Variants in IPO13 observed in about 807,000 individuals in gnomAD.
IPO13 encodes importin 13.
IPO13 carries 28 observed loss-of-function variants against 115.5 expected under a neutral mutation model. The observed-to-expected ratio is 0.24, with a 90% CI of 0.18 to 0.33. The LOEUF is 0.33. IPO13 is among the 10% of genes least tolerant of loss of function. The pLI is 1.00. For missense variants in IPO13, 785 were observed against 1,204.6 expected (o/e 0.65, Z 5.16); for synonymous variants, 414 against 478.9 (o/e 0.86, Z 1.77).
chr1:43,957,458 C>T lies in IPO13; in HGVS notation c.1449C>T (p.Asn483=), dbSNP rs770634062. Residue 483 remains asparagine (N), a synonymous_variant, in exon 7 of 20, where the codon AAC becomes AAT. Transcript: ENST00000372343. The stretch of plus-strand genomic sequence containing the variant: ...CCATCGCAGAGACCATTGACGTCAA[C>T]TATTCTGATGTGGTGCCTGGGCTCA... ...FQSIAETIDV[N]YSDVVPGLIG... 9 of 1,614,112 alleles carry T rather than the reference C, an allele frequency of 5.6e-6. No individual in the cohort carries two copies. In the African/African-American group the frequency reaches 1.2e-4, roughly 22 times the overall value.
chr1:43,957,243 C>A lies in IPO13; in HGVS notation c.1320C>A (p.Ala440=), dbSNP rs1200624725. ...TLMYVYEMLG[A]ELLSNLYDKL... is the part of the protein sequence containing the mutation. ...TGTATGTCTATGAGATGTTGGGGGC[C>A]GAGCTGCTCAGCAACCTCTATGACA... Residue 440 remains alanine (A), a synonymous_variant, in exon 6 of 20, where the codon GCC becomes GCA. Coordinates refer to ENST00000372343, the MANE Select transcript of IPO13 (RefSeq NM_014652.4). The A allele has an allele frequency of 1.2e-6, 2 of 1,614,038 alleles. No individual in the cohort carries two copies. Among genetic ancestry groups the A allele is most frequent in the Non-Finnish European group, 1.7e-6 (2 of 1,179,988 alleles).
In IPO13 at chr1:43,966,520, G is replaced by C; in HGVS notation, c.2398-55G>C. 6.4e-7 allele frequency: 1 copy of C among 1,574,560 alleles called. No homozygotes were observed. Among genetic ancestry groups the C allele is most frequent in the Non-Finnish European group, 8.7e-7 (1 of 1,144,656 alleles). On this transcript the variant is annotated intron_variant, in intron 15 of 19. Coordinates refer to ENST00000372343, the MANE Select transcript of IPO13 (RefSeq NM_014652.4). The surrounding 1 kb of genome is among the most constrained non-coding windows in gnomAD (Gnocchi z 4.1). ...GGGGCTGGGGTGGCAGGTGAGTGGG[G>C]GGGATGGTCCTTGGAGCTGGCTGGG... is the stretch of plus-strand genomic sequence containing the variant.
intron 11 of IPO13, 130 bp from the exon 12 acceptor site, chr1:43,960,119 C>T (rs986791893): frequency 1.4e-5 from 11 of 777,272 alleles, no homozygotes; most frequent in South Asian, 3.1e-5. Context: ...GGGTCCCATG[C>T]CCTGGGTCCT....
chr1:43,965,148 T>C (rs535748955), intron 15 of IPO13, among the ~76,000 whole-genome samples: 15 of 151,994 alleles, frequency 9.9e-5, no homozygotes, highest in Admixed American at 8.5e-4. Flanking sequence ...TGTTGTGGCA[T>C]TGGTATGTCT....
Position 43,967,739 on chromosome 1 carries a change from A to G in IPO13, c.*57A>G, listed in dbSNP as rs2085337105. 3 of 1,501,094 alleles carry G rather than the reference A, an allele frequency of 2.0e-6. No homozygotes were observed. Among genetic ancestry groups the G allele is most frequent in the Non-Finnish European group, 2.8e-6 (3 of 1,081,272 alleles). The allele number at this position is 1,501,094 out of a possible 1,614,324, so 93.0% of individuals were successfully genotyped here. On this transcript the variant is annotated 3_prime_UTR_variant, in exon 20 of 20. Transcript: ENST00000372343. The surrounding 1 kb of genome is among the most constrained non-coding windows in gnomAD (Gnocchi z 6.1). ...TCATCCTTCCCTATTCCCAAAGAGT[A>G]AACCTGGACCCTCACTGCTGTCTCT...
Position 43,949,623 on chromosome 1 carries a change from G to T in IPO13, c.291G>T (p.Gln97His). The change falls in exon 2 of 20, where the codon CAG becomes CAT. Residue 97 changes from glutamine (Q) to histidine (H), a missense_variant. By Grantham distance (24) the Gln-to-His change is conservative. This residue lies in a region of IPO13 where 325 missense variants were observed against 449.8 expected (regional missense o/e 0.72). Coordinates refer to ENST00000372343, the MANE Select transcript of IPO13 (RefSeq NM_014652.4). Reference sequence around the variant, plus strand: ...ACTGGAGTGACATCCCCACTGACCAGTATGAAAGCCTAAAGGCACAGCTCT... The same window carrying T: ...ACTGGAGTGACATCCCCACTGACCATTATGAAAGCCTAAAGGCACAGCTCT... Reference protein sequence around the residue: ...SRYWSDIPTDQYESLKAQLFT... With the variant: ...SRYWSDIPTDHYESLKAQLFT... 6.2e-7 allele frequency: 1 copy of T among 1,614,238 alleles called. No homozygotes were observed. Among genetic ancestry groups the T allele is most frequent in the Non-Finnish European group, 8.5e-7 (1 of 1,180,050 alleles).
chr1:43,948,082 A>G (rs973470923), intron 1 of IPO13, among the ~76,000 whole-genome samples: 1 of 152,240 alleles, frequency 6.6e-6, no homozygotes, highest in Admixed American at 6.5e-5. Context: ...TTGTTGAGCC[A>G]AGGGCTCAGA....
chr1:43,964,157 C>T (rs2085307213), intron 14 of IPO13, 112 bp from the exon 15 acceptor site: 1 of 706,918 alleles, frequency 1.4e-6, no homozygotes, highest in African/African-American at 1.8e-5. Context: ...CTTCCTGCTG[C>T]TCATGTGCCC....
chr1:43,964,885 T>C (rs1259359092), intron 15 of IPO13, among the ~76,000 whole-genome samples: 1 of 152,202 alleles, frequency 6.6e-6, no homozygotes, highest in Non-Finnish European at 1.5e-5. Flanking sequence ...TGTATGTGTT[T>C]CAGTGTGTGA....
At position 43,957,428 on chromosome 1, in the gene IPO13, C is replaced by G; in HGVS notation, c.1419C>G (p.Phe473Leu). The change falls in exon 7 of 20, where the codon TTC becomes TTG. Residue 473 changes from phenylalanine to leucine, a missense_variant. Around this residue, in one of 3 missense-constraint regions of IPO13, gnomAD observed 175 missense variants for 360.0 expected, o/e 0.49. Transcript: ENST00000372343. ...WQHTEALLYG[F>L]QSIAETIDVN... ...ACACAGAGGCCCTCCTCTACGGCTT[C>G]CAATCCATCGCAGAGACCATTGACG... 1 of 1,614,246 alleles carries G rather than the reference C, an allele frequency of 6.2e-7. No homozygotes were observed. Among genetic ancestry groups the G allele is most frequent in the Non-Finnish European group, 8.5e-7 (1 of 1,180,036 alleles).
At chr1:43,959,379 T>C (rs2085274616) in intron 11 of IPO13, among the ~76,000 whole-genome samples, 1 of 152,202 alleles carries the variant, frequency 6.6e-6, no homozygotes, top group South Asian at 2.1e-4. Flanking sequence ...CAAAGCAGTG[T>C]GATAAGTCCT....
At position 43,956,550 on chromosome 1, in the gene IPO13, C is replaced by G. The variant is rs759517025; in HGVS notation, c.963-10C>G. On this transcript the variant is annotated splice_polypyrimidine_tract_variant and intron_variant, in intron 3 of 19. Transcript: ENST00000372343. The surrounding 1 kb of genome is among the most constrained non-coding windows in gnomAD (Gnocchi z 4.7). ...CCTGGAAAGGTAGAATGACCTGACT[C>G]TCTCCCCAGGGCCTTGCTGGACCAA... 3.7e-6 allele frequency: 6 copies of G among 1,614,180 alleles called. No individual in the cohort carries two copies. Among genetic ancestry groups the G allele is most frequent in the African/African-American group, 1.3e-5 (1 of 75,056 alleles).
chr1:43,958,951 T>A lies in IPO13; in HGVS notation c.2028+62T>A. 1 of 1,476,762 alleles carries A rather than the reference T, an allele frequency of 6.8e-7. No individual in the cohort carries two copies. The highest frequency in any genetic ancestry group is 9.4e-7 in the Non-Finnish European group (1 of 1,062,632). The allele number at this position is 1,476,762 out of a possible 1,614,324, so 91.5% of individuals were successfully genotyped here. A position where few individuals can be genotyped will look rare whatever the true frequency, so the allele number is the denominator to read the frequency against. ...TTGCCATCCCCCCAACCCCCACCTG[T>A]GGGAATGTCATTGTCACTCTTCAAT... is the stretch of plus-strand genomic sequence containing the variant. On this transcript the variant is annotated intron_variant, in intron 11 of 19. Coordinates refer to ENST00000372343, the MANE Select transcript of IPO13 (RefSeq NM_014652.4). The surrounding 1 kb of genome is among the most constrained non-coding windows in gnomAD (Gnocchi z 6.3).
chr1:43,957,515 C>T lies in IPO13; in HGVS notation c.1506C>T (p.Asn502=), dbSNP rs146216435. The T allele has an allele frequency of 6.6e-4, 1,069 of 1,614,198 alleles. No homozygotes were observed. Among genetic ancestry groups the T allele is most frequent in the Non-Finnish European group, 8.2e-4 (973 of 1,180,026 alleles). Residue 502 remains asparagine, a synonymous_variant, in exon 7 of 20, where the codon AAC becomes AAT. Transcript: ENST00000372343. ...IGLIPRISIS[N]VQLADTVMFT... The stretch of plus-strand genomic sequence containing the variant: ...TCATCCCACGGATCAGCATCAGCAA[C>T]GTGCAGCTGGCAGACACTGTCATGT...
rs535750278 is a variant in IPO13 at position 43,947,001 on chromosome 1, G to A, written c.-600G>A. The stretch of plus-strand genomic sequence containing the variant: ...AGGCAGCGGCTGTAGCGGGGCTGTA[G>A]CCGGGCGTTGAGCACAGCGCGGGCC... On this transcript the variant is annotated 5_prime_UTR_variant, in exon 1 of 20. Transcript: ENST00000372343. 450 of 398,754 alleles carry A rather than the reference G, an allele frequency of 1.1e-3. 2 individuals carry two copies. The highest frequency in any genetic ancestry group is 7.6e-3 in the Middle Eastern group (12 of 1,588). The allele number at this position is 398,754 out of a possible 1,614,324, so 24.7% of individuals were successfully genotyped here.
chr1:43,967,784 C>T lies in IPO13; in HGVS notation c.*102C>T. On this transcript the variant is annotated 3_prime_UTR_variant, in exon 20 of 20. Transcript: ENST00000372343. The surrounding 1 kb of genome is among the most constrained non-coding windows in gnomAD (Gnocchi z 6.1). Reference sequence around the variant, plus strand: ...GTCTCTGCCTCCTTTCTGCTGTCACCACCACCTAACTGAAAGCCTGGGTCC... The same window carrying T: ...GTCTCTGCCTCCTTTCTGCTGTCACTACCACCTAACTGAAAGCCTGGGTCC... The T allele has an allele frequency of 9.1e-7, 1 of 1,093,700 alleles. No homozygotes were observed. Among genetic ancestry groups the T allele is most frequent in the Admixed American group, 2.0e-5 (1 of 50,410 alleles). The allele number at this position is 1,093,700 out of a possible 1,614,324, so 67.7% of individuals were successfully genotyped here.
At chr1:43,951,989 G>A (rs918755261) in intron 2 of IPO13, among the ~76,000 whole-genome samples, 5 of 152,174 alleles carry the variant, frequency 3.3e-5, no homozygotes, top group Non-Finnish European at 5.9e-5. Context: ...TGCCCCTGGT[G>A]TTCGGTAGAG....
intron 1 of IPO13, 77 bp downstream of exon 1, chr1:43,947,761 C>T: frequency 1.1e-6 from 1 of 895,366 alleles, no homozygotes; most frequent in Non-Finnish European, 1.5e-6. Flanking sequence ...AGAGCTCAGG[C>T]CTGGGCTGGG....
At position 43,958,849 on chromosome 1, in the gene IPO13, C is replaced by T. The variant is rs755275199; in HGVS notation, c.1988C>T (p.Pro663Leu). 6 of 1,614,020 alleles carry T rather than the reference C, an allele frequency of 3.7e-6. No individual in the cohort carries two copies. The highest frequency in any genetic ancestry group is 1.7e-5 in the Admixed American group (1 of 60,008). The part of the protein sequence containing the change: ...ISHHEDDHEG[P>L]ELRKLPVPQG... ...CATCATGAGGATGATCATGAAGGCC[C>T]TGAGCTTCGGAAGCTGCCAGTGCCA... Residue 663 changes from proline (P) to leucine (L), a missense_variant, in exon 11 of 20, where the codon CCT (proline) becomes CTT (leucine). Pro to Leu is a moderately conservative substitution (Grantham distance 98). Around this residue, in one of 3 missense-constraint regions of IPO13, gnomAD observed 285 missense variants for 394.8 expected, o/e 0.72. Transcript: ENST00000372343. This position sits in a 1 kb window ranked among gnomAD's most constrained non-coding sequence, Gnocchi z 6.3.
Sources: allele counts gnomAD v4.1 joint callset (sites outside exome capture counted in the v4.1 genomes callset), GRCh38; gene constraint gnomAD v4.1.1; regional missense constraint gnomAD v4.1.1; non-coding constraint Gnocchi (gnomAD v3.1); transcripts MANE v1.5; gene names NCBI Gene and HGNC (gene_info 2026-07-23, HGNC 2026-07-21).